Variants in BTBD8 observed in about 807,000 individuals in gnomAD.
BTBD8 encodes the protein BTB domain containing 8.
A neutral mutation model predicts 162.9 loss-of-function variants in BTBD8; 110 were observed. The observed-to-expected ratio is 0.68, with a 90% CI of 0.58 to 0.79. BTBD8 has a LOEUF of 0.79. BTBD8 is among the 30% of genes least tolerant of loss of function. The pLI, the probability that BTBD8 is intolerant of heterozygous loss-of-function variation, is 0.00. For missense variants in BTBD8, 1,905 were observed against 2,085.4 expected (o/e 0.91, Z 1.68); for synonymous variants, 667 against 716.1 (o/e 0.93, Z 1.10).
chr1:92,105,850 A>C (rs887687831), intron 3 of BTBD8, among the ~76,000 whole-genome samples: 6 of 152,196 alleles, frequency 3.9e-5, no homozygotes, highest in African/African-American at 2.4e-5. Context: ...AAATGGCTTG[A>C]TTGGTTATAA....
Position 92,182,545 on chromosome 1 carries a change from AAGAG to A in BTBD8, c.4865_4868del (p.Glu1622AlafsTer18). ...GTTCTGCCTCAGGAAGGTCCAGTGA[AAGAG>A]AGCCATTCTACAACTACTGAAAAAG... On this transcript the variant is annotated frameshift_variant, in exon 17 of 18. Transcript: ENST00000636805. LOFTEE classifies it high-confidence loss of function. 6.5e-7 allele frequency: 1 copy of A among 1,532,572 alleles called. No homozygotes were observed. Among genetic ancestry groups the A allele is most frequent in the Non-Finnish European group, 8.8e-7 (1 of 1,142,008 alleles). 94.9% of individuals were successfully genotyped at this position (1,532,572 alleles called of 1,614,324 possible).
At chr1:92,180,160 C>A in intron 16 of BTBD8, 105 bp from the exon 17 acceptor site, 1 of 815,340 alleles carries the variant, frequency 1.2e-6, no homozygotes. Context: ...CCATTGTGTT[C>A]TTGATTTTAT....
rs1570763847 is a variant in BTBD8, at chr1:92,182,141, C to G, written c.4458C>G (p.Ser1486=). 12 of 1,551,060 alleles carry G rather than the reference C, an allele frequency of 7.7e-6. No individual in the cohort carries two copies. The East Asian group carries it at 2.9e-4, about 38-fold the overall frequency. The change falls in exon 17 of 18, where the codon TCC becomes TCG. Residue 1486 remains serine, a synonymous_variant. Coordinates refer to ENST00000636805, the MANE Select transcript of BTBD8 (RefSeq NM_001376131.1). ...AACATCATGGAAGGACCTGCTATTC[C>G]AGATTCTCACGAGAAAGTGAAGATA... The part of the protein sequence containing the change: ...SHEHHGRTCY[S]RFSRESEDNI...
intron 5 of BTBD8, among the ~76,000 whole-genome samples, chr1:92,131,227 A>G (rs1283803356): frequency 6.6e-6 from 1 of 152,216 alleles, no homozygotes; most frequent in Non-Finnish European, 1.5e-5. Context: ...GTCTTTATTA[A>G]GTGTATAAAG....
intron 7 of BTBD8, among the ~76,000 whole-genome samples, chr1:92,146,086 G>A (rs763998087): frequency 1.4e-4 from 21 of 151,882 alleles, no homozygotes; most frequent in African/African-American, 1.9e-4. Flanking sequence ...ATATTTATAC[G>A]TTAGGAAGCA....
intron 2 of BTBD8, among the ~76,000 whole-genome samples, chr1:92,089,977 A>C (rs1423754514): frequency 6.6e-6 from 1 of 152,170 alleles, no homozygotes; most frequent in East Asian, 1.9e-4. Flanking sequence ...TCTGTACTTT[A>C]TTTCTTTCTG....
intron 9 of BTBD8, among the ~76,000 whole-genome samples, chr1:92,158,854 C>T (rs1006806822): frequency 2.0e-5 from 3 of 152,174 alleles, no homozygotes; most frequent in African/African-American, 7.2e-5. Flanking sequence ...CAGCTCACTG[C>T]AGCCTTGACC....
chr1:92,139,569 A>G (rs1052205729), intron 6 of BTBD8, 139 bp downstream of exon 6: 1 of 1,308,618 alleles, frequency 7.6e-7, no homozygotes, highest in South Asian at 2.7e-5. Context: ...TTTTGAGAAC[A>G]TCTAAAAACA....
At chr1:92,125,364 A>G in intron 4 of BTBD8, 1 of 224,268 alleles carries the variant, frequency 4.5e-6, no homozygotes, top group South Asian at 6.7e-5. Context: ...TGTGAGCTCT[A>G]CCTCCAGAAG....
At chr1:92,109,192 C>T (rs891246486) in intron 4 of BTBD8, among the ~76,000 whole-genome samples, 6 of 151,010 alleles carry the variant, frequency 4.0e-5, no homozygotes, top group African/African-American at 7.3e-5. Context: ...TTTTCCGTAT[C>T]ATGGGTATAT....
At chr1:92,139,590 C>G (rs1649718564) in intron 6 of BTBD8, 160 bp downstream of exon 6, 12 of 1,262,476 alleles carry the variant, frequency 9.5e-6, no homozygotes, top group Non-Finnish European at 1.2e-5. Context: ...ATAAGCAAAT[C>G]ATCTTATTTA....
At chr1:92,179,125 T>C (rs1650810242) in intron 16 of BTBD8, among the ~76,000 whole-genome samples, 1 of 151,920 alleles carries the variant, frequency 6.6e-6, no homozygotes, top group South Asian at 2.1e-4. Context: ...GTGTGCTTGT[T>C]GTCCCAGCTA....
intron 4 of BTBD8, among the ~76,000 whole-genome samples, chr1:92,121,423 T>G (rs772055820): frequency 1.3e-5 from 2 of 152,238 alleles, no homozygotes; most frequent in African/African-American, 4.8e-5. Context: ...GTATTTCCTC[T>G]TTTTTATGCT....
intron 1 of BTBD8, among the ~76,000 whole-genome samples, chr1:92,081,058 C>T (rs1446623873): frequency 1.3e-5 from 2 of 152,160 alleles, no homozygotes; most frequent in Non-Finnish European, 2.9e-5. Context: ...GGTCCTGAAA[C>T]TTACACAATT....
intron 13 of BTBD8, among the ~76,000 whole-genome samples, chr1:92,173,130 GT>G (rs1191307963): frequency 6.6e-6 from 1 of 152,162 alleles, no homozygotes; most frequent in Non-Finnish European, 1.5e-5. Flanking sequence ...TCTCCATGTT[GT>G]TCAGGCTGGT....
chr1:92,085,507 G>T (rs941584467), intron 1 of BTBD8, among the ~76,000 whole-genome samples: 6 of 151,980 alleles, frequency 3.9e-5, no homozygotes, highest in African/African-American at 1.5e-4. Flanking sequence ...CAGGAGAATC[G>T]CTTGAACCTA....
At chr1:92,130,616 CTT>C (rs1303611101) in intron 5 of BTBD8, among the ~76,000 whole-genome samples, 6 of 151,450 alleles carry the variant, frequency 4.0e-5, no homozygotes, top group Admixed American at 6.6e-5. Context: ...TTTTATATAA[CTT>C]AAAGTATCTC....
At chr1:92,170,136 T>G (rs1321500575) in intron 12 of BTBD8, among the ~76,000 whole-genome samples, 1 of 152,166 alleles carries the variant, frequency 6.6e-6, no homozygotes, top group Non-Finnish European at 1.5e-5. Flanking sequence ...AGCTTCTGTG[T>G]TCTTTAATTC....
At chr1:92,119,854 G>A (rs1357559913) in intron 4 of BTBD8, among the ~76,000 whole-genome samples, 1 of 140,932 alleles carries the variant, frequency 7.1e-6, no homozygotes, top group Non-Finnish European at 1.5e-5. Context: ...TGATCTGCCC[G>A]AGGGATTACA....
Sources: allele counts gnomAD v4.1 joint callset (sites outside exome capture counted in the v4.1 genomes callset), GRCh38; gene constraint gnomAD v4.1.1; transcripts MANE v1.5; gene names NCBI Gene and HGNC (gene_info 2026-07-23, HGNC 2026-07-21).